Variants in CDH23 observed in about 807,000 individuals in gnomAD.
The protein encoded by CDH23 is cadherin related 23.
In CDH23, 189 loss-of-function variants were observed where a neutral mutation model predicts 317.1. The ratio of observed to expected loss-of-function variants is 0.60; its 90% CI spans 0.53 to 0.67. The LOEUF (loss-of-function observed/expected upper bound fraction) is 0.67. Among genes scored for constraint, CDH23 ranks in the 30% least tolerant of loss-of-function variants. The pLI, the probability that CDH23 is intolerant of heterozygous loss-of-function variation, is 0.00. For synonymous variants in CDH23, 1,839 were observed against 1,876.8 expected, an observed-to-expected ratio of 0.98 and a Z score of 0.52; for missense variants, 4,401 against 4,592.4, an observed-to-expected ratio of 0.96 and a Z score of 1.20.
chr10:71,535,339 C>T (rs559869407), intron 6 of CDH23, among the ~76,000 whole-genome samples: 10 of 152,254 alleles, frequency 6.6e-5, no homozygotes, highest in African/African-American at 2.4e-4. Context: ...GATTCCCTCA[C>T]ACAGGGCGTG....
intron 38 of CDH23, among the ~76,000 whole-genome samples, chr10:71,753,374 T>A (rs796576039): frequency 1.3e-5 from 2 of 152,356 alleles, no homozygotes; most frequent in African/African-American, 4.8e-5. Flanking sequence ...AACTCTTGAA[T>A]TTGCTAACTG....
chr10:71,550,587 AAAAG>A (rs1313315240), intron 6 of CDH23, among the ~76,000 whole-genome samples: 10 of 151,344 alleles, frequency 6.6e-5, no homozygotes, highest in South Asian at 2.1e-4. Context: ...AGAAAAAAGA[AAAAG>A]AAAGAAAGAA....
At chr10:71,611,712 G>T (rs892018793) in intron 9 of CDH23, among the ~76,000 whole-genome samples, 3 of 152,196 alleles carry the variant, frequency 2.0e-5, no homozygotes, top group African/African-American at 7.2e-5. Context: ...TCTGCCTCCA[G>T]AGGGTGTAAT....
Position 71,566,818 on chromosome 10 carries a change from ACTC to A in CDH23, c.509_511del (p.Ser170del). ...TTGGGGGCAGGGGGCAGCGTCCTCT[ACTC>A]CTTCCAGCCCCCCTCCCAATTCTTC... On this transcript the variant is annotated inframe_deletion, in exon 7 of 70. Coordinates refer to ENST00000224721, the MANE Select transcript of CDH23 (RefSeq NM_022124.6). 6.2e-7 allele frequency: 1 copy of A among 1,613,586 alleles called. No homozygotes were observed. The highest frequency in any genetic ancestry group is 8.5e-7 in the Non-Finnish European group (1 of 1,179,768).
In CDH23 at chr10:71,511,349, A is replaced by G. The variant is rs954612347; in HGVS notation, c.429+137A>G. 3 of 822,460 alleles carry G rather than the reference A, an allele frequency of 3.6e-6. No individual in the cohort carries two copies. The African/African-American group carries it at 5.1e-5, about 14-fold the overall frequency. 50.9% of individuals were successfully genotyped at this position (822,460 alleles called of 1,614,324 possible). A position where few individuals can be genotyped will look rare whatever the true frequency, so the allele number is the denominator to read the frequency against. ...GACCTCAGCCCAGGTGCCAACTCTG[A>G]GCAGGTTGGCGAACATGCTGGTACC... is the stretch of plus-strand genomic sequence containing the variant. On this transcript the variant is annotated intron_variant, in intron 6 of 69. Transcript: ENST00000224721.
rs771636836 is a variant in CDH23, at chr10:71,677,509, A to G, written c.1568A>G (p.Tyr523Cys). The change falls in exon 16 of 70, where the codon TAT becomes TGT. Residue 523 changes from tyrosine (Y) to cysteine (C), a missense_variant. By Grantham distance (194) the Tyr-to-Cys change is radical. Transcript: ENST00000224721. ...ATCATGCTGATTGCCAGGCTGGACT[A>G]TGAGCTCATCCAGCGCTTCACCCTG... ...GLIMLIARLDYELIQRFTLTI... is the reference protein window; with the variant it reads ...GLIMLIARLDCELIQRFTLTI... The G allele has an allele frequency of 8.7e-6, 14 of 1,612,090 alleles. No homozygotes were observed. The highest frequency in any genetic ancestry group is 1.7e-6 in the Non-Finnish European group (2 of 1,179,470).
At position 71,590,903 on chromosome 10, in the gene CDH23, A is replaced by C. The variant is rs866947654; in HGVS notation, c.832+12911A>C. ...AAAAAAAAACAAAAAAAAACAAAAA[A>C]AAACACCAGTCTCTTCTCTAGGGAC... On this transcript the variant is annotated intron_variant, in intron 9 of 69. Coordinates refer to ENST00000224721, the MANE Select transcript of CDH23 (RefSeq NM_022124.6). 4.9e-3 allele frequency among the ~76,000 whole-genome samples: 729 copies of C among 149,234 alleles called. 15 individuals carry two copies. The highest frequency in any genetic ancestry group is 0.017 in the African/African-American group (668 of 40,096).
intron 9 of CDH23, among the ~76,000 whole-genome samples, chr10:71,585,365 G>C (rs2132426794): frequency 6.6e-6 from 1 of 152,296 alleles, no homozygotes. Flanking sequence ...ATCCATGGCA[G>C]ACATCACTAA....
intron 48 of CDH23, chr10:71,795,654 C>T (rs1028888185): frequency 2.7e-6 from 1 of 366,416 alleles, no homozygotes; most frequent in Non-Finnish European, 3.8e-6. Context: ...ACTTGCTCCC[C>T]TGGTTTCCTT....
chr10:71,589,388 G>A (rs1589240181), intron 9 of CDH23, among the ~76,000 whole-genome samples: 1 of 152,196 alleles, frequency 6.6e-6, no homozygotes, highest in Admixed American at 6.5e-5. Context: ...AAAGTGCTGG[G>A]ATTACAGGCG....
At chr10:71,814,182 C>G (rs1019606798) in intron 69 of CDH23, among the ~76,000 whole-genome samples, 1 of 152,188 alleles carries the variant, frequency 6.6e-6, no homozygotes, top group Non-Finnish European at 1.5e-5. Flanking sequence ...TGCTTGAGGC[C>G]AATTTGGCAA....
intron 9 of CDH23, among the ~76,000 whole-genome samples, chr10:71,614,945 T>A (rs367916262): frequency 1.4e-4 from 22 of 152,330 alleles, no homozygotes; most frequent in African/African-American, 4.8e-4. Flanking sequence ...TTTTAATAAG[T>A]ACTTAACATA....
At chr10:71,544,426 G>A (rs1293468925) in intron 6 of CDH23, among the ~76,000 whole-genome samples, 1 of 152,206 alleles carries the variant, frequency 6.6e-6, no homozygotes, top group Non-Finnish European at 1.5e-5. Context: ...GGGGAGGGCA[G>A]AGTGGACGAA....
chr10:71,503,612 A>T (rs1853465337), intron 3 of CDH23, among the ~76,000 whole-genome samples: 1 of 152,178 alleles, frequency 6.6e-6, no homozygotes, highest in African/African-American at 2.4e-5. Context: ...GTGCTGCGTG[A>T]TGGGCAGGGG....
At chr10:71,782,394 A>G (rs1215962547) in intron 41 of CDH23, among the ~76,000 whole-genome samples, 1 of 152,224 alleles carries the variant, frequency 6.6e-6, no homozygotes, top group Non-Finnish European at 1.5e-5. Flanking sequence ...CCAAGGTGGC[A>G]TCTCTCTATT....
chr10:71,516,314 G>T (rs1854328410), intron 6 of CDH23, among the ~76,000 whole-genome samples: 2 of 152,170 alleles, frequency 1.3e-5, no homozygotes, highest in African/African-American at 4.8e-5. Context: ...GCTGGAGCTG[G>T]GGTGAGATCC....
intron 38 of CDH23, among the ~76,000 whole-genome samples, chr10:71,775,311 C>T (rs879428547): frequency 6.6e-6 from 1 of 152,158 alleles, no homozygotes; most frequent in Non-Finnish European, 1.5e-5. Flanking sequence ...CTCAGGACAC[C>T]CTTGAAACCA....
chr10:71,496,615 CAGTGTGCTGACA>C (rs1374511200), intron 3 of CDH23, among the ~76,000 whole-genome samples: 1 of 152,244 alleles, frequency 6.6e-6, no homozygotes, highest in Non-Finnish European at 1.5e-5. Context: ...CAGCTGATTC[CAGTGTGCTGACA>C]AGTGTGGGAA....
intron 1 of CDH23, among the ~76,000 whole-genome samples, chr10:71,436,920 G>T (rs1849648746): frequency 6.6e-6 from 1 of 152,210 alleles, no homozygotes; most frequent in Non-Finnish European, 1.5e-5. Flanking sequence ...TTCTCCACTT[G>T]TAAATCAGGG....
Sources: gnomAD v4.1 joint callset for allele counts (sites outside exome capture counted in the v4.1 genomes callset) on GRCh38, gnomAD v4.1.1 for gene constraint, MANE v1.5 for transcripts, NCBI Gene and HGNC (gene_info 2026-07-23, HGNC 2026-07-21) for gene names.